Variants in CCL28 observed in about 807,000 individuals in gnomAD.
CCL28 encodes the protein C-C motif chemokine ligand 28, also known as C-C motif chemokine 28.
A neutral mutation model predicts 7.1 loss-of-function variants in CCL28; 4 were observed. That is an observed-to-expected ratio of 0.56 (90% CI 0.28 to 1.29). CCL28 has a LOEUF of 1.29. CCL28 is among the 50% of genes most tolerant of loss of function. CCL28 has a pLI of 0.11. For missense variants in CCL28, 151 were observed against 163.4 expected (o/e 0.92, Z 0.41); for synonymous variants, 55 against 57.8 (o/e 0.95, Z 0.22).
chr5:43,360,291 C>CT, the CCL28 span, among the ~76,000 whole-genome samples: 13 of 151,822 alleles, frequency 8.6e-5, no homozygotes, highest in Admixed American at 6.6e-4. Flanking sequence ...TTTTTGGGGA[C>CT]TTTTTTTTAA....
chr5:43,374,407 T>A (rs1398941423), downstream of CCL28, among the ~76,000 whole-genome samples: 3 of 152,322 alleles, frequency 2.0e-5, no homozygotes, highest in East Asian at 5.8e-4. Flanking sequence ...GTAAAAACAG[T>A]GTGCTAGAAT....
intron 2 of CCL28, among the ~76,000 whole-genome samples, chr5:43,387,539 T>C (rs529246721): frequency 2.6e-4 from 40 of 152,332 alleles, no homozygotes; most frequent in Admixed American, 2.2e-3. Context: ...GCATTTCTGA[T>C]TGGATTGCAT....
chr5:43,389,250 A>C (rs982438971), intron 1 of CCL28, among the ~76,000 whole-genome samples: 9 of 152,224 alleles, frequency 5.9e-5, no homozygotes, highest in African/African-American at 2.2e-4. Flanking sequence ...AATATATTGA[A>C]GACCACTGAA....
the CCL28 span, among the ~76,000 whole-genome samples, chr5:43,364,822 G>T: frequency 6.6e-6 from 1 of 151,924 alleles, no homozygotes; most frequent in African/African-American, 2.4e-5. Context: ...GCCTTTCTTT[G>T]TATTTTTTTA....
At chr5:43,358,376 T>C in the CCL28 span, among the ~76,000 whole-genome samples, 1 of 152,092 alleles carries the variant, frequency 6.6e-6, no homozygotes, top group South Asian at 2.1e-4. Context: ...AAAAAGCAGA[T>C]TGGTCATTTC....
At chr5:43,403,460 G>A (rs899378887) in intron 1 of CCL28, among the ~76,000 whole-genome samples, 2 of 152,180 alleles carry the variant, frequency 1.3e-5, no homozygotes, top group African/African-American at 4.8e-5. Context: ...CTGACTGTCA[G>A]AAGGAAAACT....
the CCL28 span, among the ~76,000 whole-genome samples, chr5:43,362,445 C>T: frequency 6.6e-6 from 1 of 152,030 alleles, no homozygotes; most frequent in Non-Finnish European, 1.5e-5. Context: ...TTTTCTACCT[C>T]ATTTACAATT....
chr5:43,385,986 A>T (rs561905274), intron 2 of CCL28, among the ~76,000 whole-genome samples: 1 of 152,152 alleles, frequency 6.6e-6, no homozygotes, highest in Admixed American at 6.5e-5. Context: ...TCTCTTATAC[A>T]CCCACAGAAA....
downstream of CCL28, among the ~76,000 whole-genome samples, chr5:43,371,816 CTCAG>C (rs1169584066): frequency 5.3e-5 from 8 of 152,202 alleles, no homozygotes; most frequent in Admixed American, 3.3e-4. Flanking sequence ...GGATAACTAT[CTCAG>C]TCTGTTTATG....
chr5:43,395,953 G>A (rs1211583071), intron 1 of CCL28, among the ~76,000 whole-genome samples: 2 of 142,644 alleles, frequency 1.4e-5, no homozygotes, highest in Non-Finnish European at 3.0e-5. Flanking sequence ...CTCACTGCAA[G>A]CTCCGCCTCC....
the CCL28 span, among the ~76,000 whole-genome samples, chr5:43,364,556 G>GTATATTAA: frequency 6.6e-6 from 1 of 151,938 alleles, no homozygotes; most frequent in Non-Finnish European, 1.5e-5. Context: ...CAGCCTTATG[G>GTATATTAA]TATATTAATC....
At chr5:43,406,694 A>T (rs1741296470) in intron 1 of CCL28, among the ~76,000 whole-genome samples, 1 of 152,208 alleles carries the variant, frequency 6.6e-6, no homozygotes, top group South Asian at 2.1e-4. Flanking sequence ...GAAAAGAGGA[A>T]GTCAAAATGT....
the CCL28 span, among the ~76,000 whole-genome samples, chr5:43,363,985 G>C: frequency 2.0e-5 from 3 of 152,126 alleles, no homozygotes; most frequent in Admixed American, 1.3e-4. Flanking sequence ...TAGAGAAAAA[G>C]AAAAAGTGGC....
Position 43,388,339 on chromosome 5 carries a change from T to G in CCL28, c.191+11A>C. 3 of 1,614,050 alleles carry G rather than the reference T, an allele frequency of 1.9e-6. No homozygotes were observed. The highest frequency in any genetic ancestry group is 2.5e-6 in the Non-Finnish European group (3 of 1,179,974). On this transcript the variant is annotated intron_variant, in intron 2 of 2. Coordinates refer to ENST00000361115, the MANE Select transcript of CCL28 (RefSeq NM_148672.3). ...GTGCAGGTTTAGACCTCCCGGCTGA[T>G]GAGCACTCACATGACAGCAGCCAAG...
chr5:43,366,985 A>G, the CCL28 span, among the ~76,000 whole-genome samples: 1 of 151,624 alleles, frequency 6.6e-6, no homozygotes, highest in African/African-American at 2.4e-5. Context: ...ATTTGTGTTT[A>G]CACTTTGTTT....
the CCL28 span, among the ~76,000 whole-genome samples, chr5:43,368,695 C>A: frequency 1.3e-5 from 2 of 151,924 alleles, no homozygotes; most frequent in Non-Finnish European, 2.9e-5. Context: ...TGACTGAGGT[C>A]TTCATATAAA....
In CCL28 at chr5:43,410,169, G is replaced by C. The variant is rs144662425; in HGVS notation, c.64+2084C>G. Among the ~76,000 whole-genome samples the C allele has an allele frequency of 5.1e-4, 78 of 152,260 alleles. No individual in the cohort carries two copies. In the East Asian group the frequency reaches 0.014, roughly 27 times the overall value. Reference sequence around the variant, plus strand: ...CACCTGTCCTCTTCTCTGCACTGTTGAGTTGTTGAGTGTTCTCTACCTTCC... The same window carrying C: ...CACCTGTCCTCTTCTCTGCACTGTTCAGTTGTTGAGTGTTCTCTACCTTCC... On this transcript the variant is annotated intron_variant, in intron 1 of 2. Coordinates refer to ENST00000361115, the MANE Select transcript of CCL28 (RefSeq NM_148672.3).
intron 1 of CCL28, among the ~76,000 whole-genome samples, chr5:43,408,343 C>T (rs1362656707): frequency 6.6e-6 from 1 of 152,172 alleles, no homozygotes; most frequent in East Asian, 1.9e-4. Context: ...TTTGTAGGGA[C>T]ATGGATGATG....
At chr5:43,359,527 C>T in the CCL28 span, among the ~76,000 whole-genome samples, 12 of 152,182 alleles carry the variant, frequency 7.9e-5, no homozygotes, top group Admixed American at 2.6e-4. Context: ...AAACCCACAA[C>T]CTTCAGTGTG....
Sources: allele counts gnomAD v4.1 joint callset (sites outside exome capture counted in the v4.1 genomes callset), GRCh38; gene constraint gnomAD v4.1.1; transcripts MANE v1.5; gene names NCBI Gene and HGNC (gene_info 2026-07-23, HGNC 2026-07-21).